Variants in TMEM161B observed in about 807,000 individuals in gnomAD.
TMEM161B encodes the protein transmembrane protein 161B.
A neutral mutation model predicts 61.8 loss-of-function variants in TMEM161B; 34 were observed. The observed-to-expected ratio is 0.55, with a 90% CI of 0.42 to 0.73. The LOEUF (loss-of-function observed/expected upper bound fraction) is 0.73, where lower values mean the gene tolerates loss of function less well. TMEM161B is among the 30% of genes least tolerant of loss of function. TMEM161B has a pLI of 0.00. For synonymous variants in TMEM161B, 167 were observed against 192.8 expected (o/e 0.87, Z 1.11); for missense variants, 456 against 558.5 (o/e 0.82, Z 1.85).
rs1423830361 is a variant in TMEM161B, at chr5:88,228,531, A to C, written c.108-3T>G. 1 of 1,581,160 alleles carries C rather than the reference A, an allele frequency of 6.3e-7. No individual in the cohort carries two copies. The highest frequency in any genetic ancestry group is 8.6e-7 in the Non-Finnish European group (1 of 1,167,448). ...TAGGATGTTGATACCACCTCAAACT[A>C]AGCAAAAAAAGAATTCTTTTAAATA... On this transcript the variant is annotated splice_region_variant and splice_polypyrimidine_tract_variant and intron_variant, in intron 2 of 11. Transcript: ENST00000296595.
downstream of TMEM161B, among the ~76,000 whole-genome samples, chr5:88,191,813 T>C (rs1748902606): frequency 1.3e-5 from 2 of 150,162 alleles, no homozygotes. Context: ...AAAAATTAGC[T>C]GGTCATGGTG....
At chr5:88,236,446 A>C (rs1023819534) in intron 2 of TMEM161B, among the ~76,000 whole-genome samples, 6 of 152,210 alleles carry the variant, frequency 3.9e-5, no homozygotes, top group African/African-American at 7.2e-5. Flanking sequence ...AGAGGGGCCA[A>C]GCAAACTTCA....
intron 1 of TMEM161B, among the ~76,000 whole-genome samples, chr5:88,268,212 ACC>A (rs1756665651): frequency 6.6e-6 from 1 of 152,138 alleles, no homozygotes; most frequent in Non-Finnish European, 1.5e-5. Context: ...TTTATTTGAC[ACC>A]CTTTTCAATT....
downstream of TMEM161B, among the ~76,000 whole-genome samples, chr5:88,192,745 T>C (rs2112303525): frequency 6.6e-6 from 1 of 152,354 alleles, no homozygotes; most frequent in Non-Finnish European, 1.5e-5. Context: ...TTTTATTTTG[T>C]TGAATAAAGC....
chr5:88,189,728 C>G (rs1748595823), exon 13 of TMEM161B: 1 of 205,866 alleles, frequency 4.9e-6, no homozygotes, highest in Admixed American at 5.7e-5. Flanking sequence ...CTGGAAGTCC[C>G]CACAATATGG....
Position 88,195,189 on chromosome 5 carries a change from T to TA in TMEM161B, c.*1021dup. The stretch of plus-strand genomic sequence containing the variant: ...TACACTCACACATAGGCAACACAAA[T>TA]AAATTGCTTACTCTGCTGAACTTTC... On this transcript the variant is annotated 3_prime_UTR_variant, in exon 12 of 12. Transcript: ENST00000296595. 4 of 984,882 alleles carry TA rather than the reference T, an allele frequency of 4.1e-6. No individual in the cohort carries two copies. The highest frequency in any genetic ancestry group is 4.8e-6 in the Non-Finnish European group (4 of 829,204). 61.0% of individuals were successfully genotyped at this position (984,882 alleles called of 1,614,324 possible).
Position 88,220,738 on chromosome 5 carries a change from A to AAAAAAAAAAAAAAAAAT in TMEM161B, c.290-20_290-19insATTTTTTTTTTTTTTTT. 1 of 1,514,708 alleles carries AAAAAAAAAAAAAAAAAT rather than the reference A, an allele frequency of 6.6e-7. No individual in the cohort carries two copies. Among genetic ancestry groups the AAAAAAAAAAAAAAAAAT allele is most frequent in the Non-Finnish European group, 8.8e-7 (1 of 1,138,516 alleles). 93.8% of individuals were successfully genotyped at this position (1,514,708 alleles called of 1,614,324 possible). ...TGCAATGCTGGAAAGAAAAAAAAAAAAAAAAAAAAAAAAGGTCAAAAAAAA... is the reference window on the plus strand; with the variant it reads ...TGCAATGCTGGAAAGAAAAAAAAAAAAAAAAAAAAAAAAAAATAAAAAAAAAAAAAGGTCAAAAAAAA... On this transcript the variant is annotated intron_variant, in intron 4 of 11. Coordinates refer to ENST00000296595, the MANE Select transcript of TMEM161B (RefSeq NM_153354.5).
In TMEM161B at chr5:88,195,371, T is replaced by A; in HGVS notation, c.*840A>T. 1.4e-6 allele frequency: 1 copy of A among 709,408 alleles called. No individual in the cohort carries two copies. 43.9% of individuals were successfully genotyped at this position (709,408 alleles called of 1,614,324 possible). A position where few individuals can be genotyped will look rare whatever the true frequency, so the allele number is the denominator to read the frequency against. On this transcript the variant is annotated 3_prime_UTR_variant, in exon 12 of 12. Coordinates refer to ENST00000296595, the MANE Select transcript of TMEM161B (RefSeq NM_153354.5). ...ATCTCAATATATTATATATTTAATA[T>A]ATAATATATATACAATACATACAGG...
chr5:88,206,606 G>A, intron 6 of TMEM161B, 107 bp from the exon 7 acceptor site: 1 of 1,114,244 alleles, frequency 9.0e-7, no homozygotes, highest in Admixed American at 2.8e-5. Context: ...CTTAAATTTT[G>A]AAGTGACTAG....
At chr5:88,241,061 T>G in intron 1 of TMEM161B, 145 bp from the exon 2 acceptor site, 1 of 485,882 alleles carries the variant, frequency 2.1e-6, no homozygotes, top group Non-Finnish European at 3.6e-6. Flanking sequence ...CCTCCATATC[T>G]GCAGGCTCCA....
intron 9 of TMEM161B, chr5:88,202,451 G>A (rs894066765): frequency 7.8e-5 from 14 of 179,958 alleles, no homozygotes; most frequent in African/African-American, 2.9e-4. Flanking sequence ...TTTTTTAGAG[G>A]TGCAAACTAA....
intron 1 of TMEM161B, among the ~76,000 whole-genome samples, chr5:88,241,962 A>G (rs1445997280): frequency 6.6e-6 from 1 of 151,742 alleles, no homozygotes; most frequent in Non-Finnish European, 1.5e-5. Flanking sequence ...ATAGAAAGCA[A>G]ATCTCTCTAT....
chr5:88,237,839 A>G (rs981066928), intron 2 of TMEM161B, among the ~76,000 whole-genome samples: 1 of 152,106 alleles, frequency 6.6e-6, no homozygotes, highest in African/African-American at 2.4e-5. Flanking sequence ...TCAACAAACT[A>G]ATTTGTAAGT....
At chr5:88,210,612 A>G (rs2112451998) in intron 5 of TMEM161B, among the ~76,000 whole-genome samples, 1 of 152,286 alleles carries the variant, frequency 6.6e-6, no homozygotes, top group African/African-American at 2.4e-5. Flanking sequence ...CAGGATGATT[A>G]GGTGAAAGTC....
intron 1 of TMEM161B, among the ~76,000 whole-genome samples, chr5:88,245,355 C>A (rs1248560708): frequency 6.6e-6 from 1 of 151,800 alleles, no homozygotes; most frequent in Non-Finnish European, 1.5e-5. Context: ...CAATGAATGC[C>A]ATTACAAAGA....
intron 3 of TMEM161B, 57 bp downstream of exon 3, chr5:88,228,388 T>C (rs923303817): frequency 8.0e-6 from 10 of 1,254,532 alleles, no homozygotes; most frequent in Admixed American, 6.2e-5. Flanking sequence ...AGCATAAAAA[T>C]GTATTTATAT....
Position 88,228,486 on chromosome 5 carries a change from A to T in TMEM161B, c.150T>A (p.Ile50=). Residue 50 remains isoleucine, a synonymous_variant, in exon 3 of 12, where the codon ATT becomes ATA. Coordinates refer to ENST00000296595, the MANE Select transcript of TMEM161B (RefSeq NM_153354.5). ...YQHPTEEELR[I]LAGKQQKGKT... is the part of the protein sequence containing the mutation. Reference sequence around the variant, plus strand: ...TCCCTTTTTGTTGTTTCCCTGCAAGAATTCTTAATTCTTCTTCTGTAGGAT... The same window carrying T: ...TCCCTTTTTGTTGTTTCCCTGCAAGTATTCTTAATTCTTCTTCTGTAGGAT... The T allele has an allele frequency of 6.2e-7, 1 of 1,608,734 alleles. No homozygotes were observed. The highest frequency in any genetic ancestry group is 8.5e-7 in the Non-Finnish European group (1 of 1,178,368).
At chr5:88,210,852 T>C (rs1429271937) in intron 5 of TMEM161B, among the ~76,000 whole-genome samples, 2 of 152,198 alleles carry the variant, frequency 1.3e-5, no homozygotes, top group Non-Finnish European at 2.9e-5. Context: ...AATCAGCTTT[T>C]AGAGGCCATC....
chr5:88,243,869 G>T (rs1418988077), intron 1 of TMEM161B, among the ~76,000 whole-genome samples: 1 of 151,842 alleles, frequency 6.6e-6, no homozygotes, highest in Middle Eastern at 3.2e-3. Flanking sequence ...TTTTTCATAT[G>T]TTTGTTGGCC....
Sources: allele counts gnomAD v4.1 joint callset (sites outside exome capture counted in the v4.1 genomes callset), GRCh38; gene constraint gnomAD v4.1.1; transcripts MANE v1.5; gene names NCBI Gene and HGNC (gene_info 2026-07-23, HGNC 2026-07-21).